The following NKD1 variants were observed in gnomAD, a reference collection of about 807,000 sequenced individuals.
NKD1 encodes NKD inhibitor of Wnt signaling pathway 1, also known as protein naked cuticle homolog 1.
In NKD1, 21 loss-of-function variants were observed where a neutral mutation model predicts 56.0. The observed-to-expected ratio is 0.38, with a 90% CI of 0.27 to 0.54. NKD1 has a LOEUF of 0.54. NKD1 is among the 20% of genes least tolerant of loss of function. The pLI is 0.82. For synonymous variants in NKD1, 263 were observed against 265.7 expected (o/e 0.99, Z 0.10); for missense variants, 578 against 642.7 (o/e 0.90, Z 1.09).
At chr16:50,558,908 TCAAACAAACAAA>T (rs3037656) in intron 3 of NKD1, among the ~76,000 whole-genome samples, 4 of 151,154 alleles carry the variant, frequency 2.6e-5, no homozygotes, top group East Asian at 3.9e-4. Context: ...AAACTCTGTC[TCAAACAAACAAA>T]CAAACAAACA....
At chr16:50,576,803 G>A (rs1261792278) in intron 3 of NKD1, among the ~76,000 whole-genome samples, 1 of 147,548 alleles carries the variant, frequency 6.8e-6, no homozygotes, top group Admixed American at 6.8e-5. Context: ...AAAGAAGAAA[G>A]TTATTTACCA....
chr16:50,577,789 G>C (rs1961023271), intron 3 of NKD1, among the ~76,000 whole-genome samples: 1 of 152,158 alleles, frequency 6.6e-6, no homozygotes, highest in African/African-American at 2.4e-5. Flanking sequence ...TCTTAATCAA[G>C]GTAGGCATAG....
chr16:50,612,734 T>A (rs1401997878), intron 4 of NKD1, among the ~76,000 whole-genome samples: 1 of 151,774 alleles, frequency 6.6e-6, no homozygotes, highest in Non-Finnish European at 1.5e-5. Context: ...GGGAACTTGG[T>A]GTTTGGGGAA....
At position 50,636,816 on chromosome 16, in the gene NKD1, AC is replaced by A; in HGVS notation, c.*3038del. 1 of 152,266 alleles carries A rather than the reference AC, an allele frequency of 6.6e-6. No individual in the cohort carries two copies. The highest frequency in any genetic ancestry group is 3.4e-3 in the Middle Eastern group (1 of 294). 9.4% of individuals were successfully genotyped at this position (152,266 alleles called of 1,614,324 possible). A position where few individuals can be genotyped will look rare whatever the true frequency, so the allele number is the denominator to read the frequency against. On this transcript the variant is annotated 3_prime_UTR_variant, in exon 10 of 10. Coordinates refer to ENST00000268459, the MANE Select transcript of NKD1 (RefSeq NM_033119.5). ...GTGTAACATTAACTATGAACTTACC[AC>A]CCAGAATTTACAAATGCTGACATTT...
intron 3 of NKD1, among the ~76,000 whole-genome samples, chr16:50,586,545 A>G (rs1961234611): frequency 6.6e-6 from 1 of 151,908 alleles, no homozygotes; most frequent in African/African-American, 2.4e-5. Flanking sequence ...TTCTGTTCCG[A>G]CTTTTGAGAC....
chr16:50,621,018 CAT>C (rs1181909822), intron 4 of NKD1, among the ~76,000 whole-genome samples: 3 of 152,190 alleles, frequency 2.0e-5, no homozygotes, highest in Non-Finnish European at 4.4e-5. Flanking sequence ...CATGAGTGTA[CAT>C]ATGTCTGCAT....
intron 3 of NKD1, among the ~76,000 whole-genome samples, chr16:50,589,575 C>A (rs533999679): frequency 3.9e-5 from 6 of 152,168 alleles, no homozygotes; most frequent in Non-Finnish European, 7.3e-5. Context: ...TTAGTGGAGC[C>A]GCCCCGAGGG....
intron 3 of NKD1, among the ~76,000 whole-genome samples, chr16:50,594,043 C>T (rs1027811373): frequency 6.6e-6 from 1 of 152,084 alleles, no homozygotes; most frequent in Non-Finnish European, 1.5e-5. Flanking sequence ...TGAAGCCAGC[C>T]TGAAACGCGC....
Position 50,632,525 on chromosome 16 carries a change from T to C in NKD1, c.823+117T>C. 1.0e-6 allele frequency: 1 copy of C among 975,812 alleles called. No individual in the cohort carries two copies. The highest frequency in any genetic ancestry group is 1.5e-5 in the South Asian group (1 of 67,130). The allele number at this position is 975,812 out of a possible 1,614,324, so 60.4% of individuals were successfully genotyped here. On this transcript the variant is annotated intron_variant, in intron 9 of 9. Coordinates refer to ENST00000268459, the MANE Select transcript of NKD1 (RefSeq NM_033119.5). The surrounding 1 kb of genome is among the most constrained non-coding windows in gnomAD (Gnocchi z 4.1). ...CCAGGCTTCGGTAAGACAACTATTA[T>C]GGGACAGGTCAAAGACTTCTTGGAG...
At chr16:50,590,300 C>T (rs557834492) in intron 3 of NKD1, among the ~76,000 whole-genome samples, 101 of 152,324 alleles carry the variant, frequency 6.6e-4, no homozygotes, top group Admixed American at 1.4e-3. Context: ...TATTAGAACA[C>T]ATCAGATCCT....
chr16:50,589,694 TTTCTCTTCTC>T lies in NKD1; in HGVS notation c.193-18538_193-18529del, dbSNP rs58760004. On this transcript the variant is annotated intron_variant, in intron 3 of 9. Transcript: ENST00000268459. ...GCCTTTGCTGAATGCTTTCTTTTCT[TTTCTCTTCTC>T]TTCTCTTCTCTTCTCTTCTCTTCTC... Among the ~76,000 whole-genome samples, 906 of 120,598 alleles carry T rather than the reference TTTCTCTTCTC, an allele frequency of 7.5e-3. 104 individuals are homozygous for T. Among genetic ancestry groups the T allele is most frequent in the Non-Finnish European group, 0.012 (653 of 56,052 alleles). 79.1% of individuals were successfully genotyped at this position (120,598 alleles called of 152,430 possible).
In NKD1 at chr16:50,632,827, T is replaced by G. The variant is rs1962375828; in HGVS notation, c.824-365T>G. ...CAATTTCACTCCCACAACTCCCTTC[T>G]CCCCTTTCTCTTCATATGTTTAATT... On this transcript the variant is annotated intron_variant, in intron 9 of 9. Transcript: ENST00000268459. This position sits in a 1 kb window ranked among gnomAD's most constrained non-coding sequence, Gnocchi z 4.1. Among the ~76,000 whole-genome samples the G allele has an allele frequency of 1.3e-5, 2 of 152,178 alleles. No homozygotes were observed. The highest frequency in any genetic ancestry group is 2.9e-5 in the Non-Finnish European group (2 of 68,030).
chr16:50,571,529 C>A (rs528748809), intron 3 of NKD1: 3 of 985,360 alleles, frequency 3.0e-6, no homozygotes, highest in Non-Finnish European at 3.6e-6. Context: ...GACCCATCTG[C>A]GCTCCCAGCC....
At chr16:50,576,144 T>C (rs1960989446) in intron 3 of NKD1, among the ~76,000 whole-genome samples, 1 of 152,208 alleles carries the variant, frequency 6.6e-6, no homozygotes, top group African/African-American at 2.4e-5. Flanking sequence ...TGCCTTTTGT[T>C]GGGACTATAT....
chr16:50,561,162 G>A (rs1007085147), intron 3 of NKD1, among the ~76,000 whole-genome samples: 1 of 152,038 alleles, frequency 6.6e-6, no homozygotes, highest in Non-Finnish European at 1.5e-5. Flanking sequence ...GTCCCATGGA[G>A]GGGGGGCCCA....
At chr16:50,630,120 CTGGTT>C (rs1962309220) in intron 6 of NKD1, 61 bp from the exon 7 acceptor site, 4 of 1,505,978 alleles carry the variant, frequency 2.7e-6, no homozygotes. Flanking sequence ...ACCAGGCCCT[CTGGTT>C]TGTATTTTCA....
Position 50,623,374 on chromosome 16 carries a change from T to C in NKD1, c.366+1666T>C, listed in dbSNP as rs1346923511. Among the ~76,000 whole-genome samples, 1 of 152,086 alleles carries C rather than the reference T, an allele frequency of 6.6e-6. No individual in the cohort carries two copies. The highest frequency in any genetic ancestry group is 1.9e-4 in the East Asian group (1 of 5,150). On this transcript the variant is annotated intron_variant, in intron 5 of 9. Transcript: ENST00000268459. The surrounding 1 kb of genome is among the most constrained non-coding windows in gnomAD (Gnocchi z 4.1). ...CCTGAGGAGGATAGGTAGTATCTAGTAGGAGTTAGGGCTGCCAGCTTCTTC... is the reference window on the plus strand; with the variant it reads ...CCTGAGGAGGATAGGTAGTATCTAGCAGGAGTTAGGGCTGCCAGCTTCTTC...
rs114093588 is a variant in NKD1 at position 50,560,154 on chromosome 16, A to G, written c.192+10599A>G. On this transcript the variant is annotated intron_variant, in intron 3 of 9. Coordinates refer to ENST00000268459, the MANE Select transcript of NKD1 (RefSeq NM_033119.5). Reference sequence around the variant, plus strand: ...AAAGATGATTGAAGAGAACTACTATAATCCAGGAACAAAGTTGCCTTTTCA... The same window carrying G: ...AAAGATGATTGAAGAGAACTACTATGATCCAGGAACAAAGTTGCCTTTTCA... 3.1e-3 allele frequency among the ~76,000 whole-genome samples: 475 copies of G among 152,302 alleles called. 4 individuals are homozygous for G. The highest frequency in any genetic ancestry group is 0.011 in the African/African-American group (440 of 41,564).
In NKD1 at chr16:50,598,262, T is replaced by TGTGTGTGTGTGTGTGTGTGTGTGC. The variant is rs138964473; in HGVS notation, c.193-10031_193-10030insTGTGTGTGTGTGTGTGTGTGTGCG. On this transcript the variant is annotated intron_variant, in intron 3 of 9. Coordinates refer to ENST00000268459, the MANE Select transcript of NKD1 (RefSeq NM_033119.5). This position sits in a 1 kb window ranked among gnomAD's most constrained non-coding sequence, Gnocchi z 4.2. ...GTGTGTGTGTGTGTGTGTGTGTGTG[T>TGTGTGTGTGTGTGTGTGTGTGTGC]GCGCGCACACCTGTGCTCATGGACA... 6.7e-6 allele frequency among the ~76,000 whole-genome samples: 1 copy of TGTGTGTGTGTGTGTGTGTGTGTGC among 148,568 alleles called. No individual in the cohort carries two copies. The highest frequency in any genetic ancestry group is 2.6e-5 in the African/African-American group (1 of 39,054).
Sources: allele counts gnomAD v4.1 joint callset (sites outside exome capture counted in the v4.1 genomes callset), GRCh38; gene constraint gnomAD v4.1.1; non-coding constraint Gnocchi (gnomAD v3.1); transcripts MANE v1.5; gene names NCBI Gene and HGNC (gene_info 2026-07-23, HGNC 2026-07-21).